CSMD3: variants seen among roughly 807,000 people sequenced by gnomAD.
The protein encoded by CSMD3 is CUB and sushi domain-containing protein 3.
In CSMD3, 177 loss-of-function variants were observed where a neutral mutation model predicts 435.2. The ratio of observed to expected loss-of-function variants is 0.41; its 90% CI spans 0.36 to 0.46. The LOEUF (loss-of-function observed/expected upper bound fraction) is 0.46, where lower values mean the gene tolerates loss of function less well. Among genes scored for constraint, CSMD3 ranks in the 20% least tolerant of loss-of-function variants. The probability of loss-of-function intolerance (pLI) is 0.34; values close to 1 mark genes in which losing one functional copy is unlikely to be tolerated. For synonymous variants in CSMD3, 1,656 were observed against 1,520.5 expected, an observed-to-expected ratio of 1.09 and a Z score of -2.07; for missense variants, 4,265 against 4,504.6, an observed-to-expected ratio of 0.95 and a Z score of 1.52.
chr8:113,198,996 AATTATGACTCTC>A (rs991342287), intron 3 of CSMD3, among the ~76,000 whole-genome samples: 4 of 150,972 alleles, frequency 2.6e-5, no homozygotes, highest in African/African-American at 9.7e-5. Context: ...GTTGAGTATT[AATTATGACTCTC>A]ATTATGCTAA....
intron 6 of CSMD3, among the ~76,000 whole-genome samples, chr8:113,004,654 A>T (rs1656689389): frequency 6.6e-6 from 1 of 151,938 alleles, no homozygotes; most frequent in African/African-American, 2.4e-5. Context: ...ATAGCTGTGG[A>T]ATCAATAGTC....
chr8:113,138,530 A>G lies in CSMD3; in HGVS notation c.709+35192T>C, dbSNP rs1588139657. Among the ~76,000 whole-genome samples the G allele has an allele frequency of 4.0e-5, 6 of 151,594 alleles. No homozygotes were observed. The Middle Eastern group carries it at 0.017, about 430-fold the overall frequency. ...ATTATACATCTTAATAATGAAGATG[A>G]TTTGAAGTAAGCTTTCTTAATAAAA... is the stretch of plus-strand genomic sequence containing the variant. On this transcript the variant is annotated intron_variant, in intron 4 of 70. Transcript: ENST00000297405.
intron 16 of CSMD3, among the ~76,000 whole-genome samples, chr8:112,680,667 T>C (rs1304469161): frequency 6.6e-6 from 1 of 152,126 alleles, no homozygotes; most frequent in East Asian, 1.9e-4. Context: ...CACCTGATAT[T>C]ACTAATGAGA....
At chr8:112,379,945 G>C (rs967556385) in intron 38 of CSMD3, among the ~76,000 whole-genome samples, 1 of 152,184 alleles carries the variant, frequency 6.6e-6, no homozygotes, top group Non-Finnish European at 1.5e-5. Flanking sequence ...CCAAAATGGA[G>C]TAGAACAGTG....
chr8:113,072,339 A>C (rs1297207473), intron 5 of CSMD3, among the ~76,000 whole-genome samples: 1 of 151,714 alleles, frequency 6.6e-6, no homozygotes, highest in Non-Finnish European at 1.5e-5. Flanking sequence ...GTGGGACAGG[A>C]GTAGTGCTAG....
At chr8:112,524,811 A>C (rs1370054537) in intron 27 of CSMD3, among the ~76,000 whole-genome samples, 2 of 152,046 alleles carry the variant, frequency 1.3e-5, no homozygotes, top group African/African-American at 4.8e-5. Context: ...ATCTGTGTAC[A>C]AAAAGCATCT....
At chr8:113,204,659 GC>G in intron 3 of CSMD3, among the ~76,000 whole-genome samples, 1 of 151,998 alleles carries the variant, frequency 6.6e-6, no homozygotes, top group Non-Finnish European at 1.5e-5. Flanking sequence ...CATGGTAAGT[GC>G]CCTCTACAGG....
intron 13 of CSMD3, among the ~76,000 whole-genome samples, chr8:112,766,245 T>A (rs917903041): frequency 5.3e-5 from 8 of 151,440 alleles, no homozygotes; most frequent in African/African-American, 1.9e-4. Context: ...TTCTCCATAC[T>A]GAAAAAATTA....
chr8:112,903,431 A>G (rs2082163821), intron 10 of CSMD3, among the ~76,000 whole-genome samples: 1 of 151,280 alleles, frequency 6.6e-6, no homozygotes, highest in African/African-American at 2.4e-5. Flanking sequence ...AGATGACTGG[A>G]GACAAGGTGG....
chr8:113,202,572 T>A (rs765933301), intron 3 of CSMD3, among the ~76,000 whole-genome samples: 5 of 152,156 alleles, frequency 3.3e-5, no homozygotes, highest in Admixed American at 2.6e-4. Context: ...CTTTCTTTGA[T>A]ATTTCCTTTT....
At chr8:113,408,763 C>G (rs1016132992) in intron 1 of CSMD3, among the ~76,000 whole-genome samples, 3 of 151,158 alleles carry the variant, frequency 2.0e-5, no homozygotes, top group African/African-American at 4.9e-5. Flanking sequence ...GTTCAAGGTT[C>G]AAGCGATTCT....
chr8:112,743,923 A>T (rs1176893140), intron 13 of CSMD3, among the ~76,000 whole-genome samples: 1 of 152,064 alleles, frequency 6.6e-6, no homozygotes. Context: ...AGATAAACAG[A>T]TGTACAAGCA....
chr8:112,874,268 G>A (rs1407386054), intron 10 of CSMD3, among the ~76,000 whole-genome samples: 10 of 152,186 alleles, frequency 6.6e-5, no homozygotes, highest in Non-Finnish European at 4.4e-5. Context: ...ACTGTGGTAT[G>A]AGAGACTGTT....
chr8:112,948,971 A>G (rs2083711722), intron 8 of CSMD3, among the ~76,000 whole-genome samples: 1 of 152,008 alleles, frequency 6.6e-6, no homozygotes, highest in Non-Finnish European at 1.5e-5. Context: ...GTGCAGCAGC[A>G]CAATCATAGT....
At chr8:112,586,993 T>C (rs1563735533) in intron 23 of CSMD3, 73 bp downstream of exon 23, 2 of 991,018 alleles carry the variant, frequency 2.0e-6, no homozygotes, top group Non-Finnish European at 3.2e-6. Flanking sequence ...TATATAGATG[T>C]ATATATTTAT....
intron 11 of CSMD3, among the ~76,000 whole-genome samples, chr8:112,851,907 T>C (rs2080501344): frequency 6.6e-6 from 1 of 152,110 alleles, no homozygotes; most frequent in South Asian, 2.1e-4. Flanking sequence ...TTGTAAAATT[T>C]GAGAGGACAC....
chr8:113,365,472 C>A (rs1472670995), intron 1 of CSMD3, among the ~76,000 whole-genome samples: 2 of 151,968 alleles, frequency 1.3e-5, no homozygotes, highest in Non-Finnish European at 2.9e-5. Flanking sequence ...TTCAGTTTTA[C>A]CTCATTCCAT....
intron 61 of CSMD3, among the ~76,000 whole-genome samples, chr8:112,258,395 A>T (rs1816016551): frequency 6.6e-6 from 1 of 152,228 alleles, no homozygotes; most frequent in African/African-American, 2.4e-5. Context: ...ACAAAGGGCT[A>T]ATATCCAGAA....
intron 12 of CSMD3, among the ~76,000 whole-genome samples, chr8:112,815,578 T>G (rs1269281696): frequency 1.3e-5 from 2 of 152,138 alleles, no homozygotes; most frequent in Admixed American, 1.3e-4. Flanking sequence ...TTCCCCTAAT[T>G]TCTTCTTCTA....
Sources: gnomAD v4.1 joint callset for allele counts (sites outside exome capture counted in the v4.1 genomes callset) on GRCh38, gnomAD v4.1.1 for gene constraint, MANE v1.5 for transcripts, NCBI Gene and HGNC (gene_info 2026-07-23, HGNC 2026-07-21) for gene names.